The following NUMB variants were observed in gnomAD, a reference collection of about 807,000 sequenced individuals.
NUMB encodes NUMB endocytic adaptor protein.
A neutral mutation model predicts 59.7 loss-of-function variants in NUMB; 29 were observed. The ratio of observed to expected loss-of-function variants is 0.49; its 90% CI spans 0.36 to 0.66. The LOEUF is 0.66. Among genes scored for constraint, NUMB ranks in the 30% least tolerant of loss-of-function variants. The pLI is 0.00. For missense variants in NUMB, 723 were observed against 822.0 expected (o/e 0.88, Z 1.47); for synonymous variants, 288 against 288.2 (o/e 1.00, Z 0.01).
intron 4 of NUMB, among the ~76,000 whole-genome samples, chr14:73,336,630 C>T (rs1329634004): frequency 1.4e-5 from 2 of 146,056 alleles, no homozygotes; most frequent in Non-Finnish European, 3.1e-5. Flanking sequence ...AAAGTATGGC[C>T]TAGGAATGGA....
At chr14:73,339,898 G>C in intron 4 of NUMB, among the ~76,000 whole-genome samples, 1 of 152,088 alleles carries the variant, frequency 6.6e-6, no homozygotes, top group East Asian at 1.9e-4. Flanking sequence ...GCAGGCTCCA[G>C]GAATGTCTAG....
At chr14:73,291,970 C>G (rs896493264) in intron 8 of NUMB, among the ~76,000 whole-genome samples, 1 of 152,208 alleles carries the variant, frequency 6.6e-6, no homozygotes, top group African/African-American at 2.4e-5. Context: ...AGGTGTGAAC[C>G]ACCGTGCCTG....
intron 1 of NUMB, among the ~76,000 whole-genome samples, chr14:73,417,931 C>T (rs773972521): frequency 3.3e-5 from 5 of 152,184 alleles, no homozygotes; most frequent in Non-Finnish European, 7.4e-5. Flanking sequence ...ATGGTGAAAC[C>T]CCATCTCTAC....
rs2140185397 is a variant in NUMB at position 73,440,247 on chromosome 14, A to ATGGATATCCATATATATATG, written c.-233+18245_-233+18246insCATATATATATGGATATCCA. ...TATATATGGATATCCATATATATAT[A>ATGGATATCCATATATATATG]CATCCATATATCTATAGATATCCAT... is the stretch of plus-strand genomic sequence containing the variant. On this transcript the variant is annotated intron_variant, in intron 1 of 12. Transcript: ENST00000555238. Among the ~76,000 whole-genome samples, 2 of 138,858 alleles carry ATGGATATCCATATATATATG rather than the reference A, an allele frequency of 1.4e-5. 1 individual carries two copies. Among genetic ancestry groups the ATGGATATCCATATATATATG allele is most frequent in the South Asian group, 4.6e-4 (2 of 4,358 alleles). 91.1% of individuals were successfully genotyped at this position (138,858 alleles called of 152,430 possible).
chr14:73,441,464 G>A (rs1039335083), intron 1 of NUMB, among the ~76,000 whole-genome samples: 1 of 152,086 alleles, frequency 6.6e-6, no homozygotes, highest in African/African-American at 2.4e-5. Flanking sequence ...TTGAACCCAG[G>A]AGGGAGAGGT....
intron 4 of NUMB, among the ~76,000 whole-genome samples, chr14:73,335,221 T>C (rs1250200154): frequency 1.3e-5 from 2 of 148,730 alleles, no homozygotes; most frequent in East Asian, 2.0e-4. Flanking sequence ...GGTTTCAAAG[T>C]ATTTCCAATG....
chr14:73,349,796 G>A (rs1052525275), intron 4 of NUMB, among the ~76,000 whole-genome samples: 27 of 150,470 alleles, frequency 1.8e-4, no homozygotes, highest in Non-Finnish European at 3.4e-4. Flanking sequence ...GGAGAATCGC[G>A]TGAACCCGGG....
intron 4 of NUMB, among the ~76,000 whole-genome samples, chr14:73,333,877 T>A (rs1462391742): frequency 6.6e-6 from 1 of 152,058 alleles, no homozygotes; most frequent in Non-Finnish European, 1.5e-5. Flanking sequence ...ATCCTTTTTT[T>A]TTTTTGAGAT....
chr14:73,377,270 A>T (rs1374564297), intron 2 of NUMB, among the ~76,000 whole-genome samples: 1 of 152,208 alleles, frequency 6.6e-6, no homozygotes, highest in Non-Finnish European at 1.5e-5. Flanking sequence ...TCTCTACTAA[A>T]GACACAGTCA....
intron 9 of NUMB, 159 bp downstream of exon 9, chr14:73,286,951 T>C (rs746888890): frequency 1.9e-5 from 13 of 688,704 alleles, no homozygotes; most frequent in Non-Finnish European, 3.3e-5. Context: ...CTAGCCACTC[T>C]AAAGGAAGCG....
chr14:73,385,308 C>CTTTTTTTTTT (rs1174960370), intron 2 of NUMB, among the ~76,000 whole-genome samples: 13 of 112,300 alleles, frequency 1.2e-4, no homozygotes, highest in Non-Finnish European at 1.8e-4. Flanking sequence ...CCAGTTAATT[C>CTTTTTTTTTT]TTTTTTTTTT....
intron 11 of NUMB, chr14:73,281,264 G>C (rs1312807215): frequency 6.7e-6 from 1 of 148,362 alleles, no homozygotes; most frequent in Non-Finnish European, 1.5e-5. Flanking sequence ...TTTTTCATCT[G>C]TAACACCTAC....
intron 5 of NUMB, among the ~76,000 whole-genome samples, chr14:73,318,660 G>A (rs1372855058): frequency 6.6e-6 from 1 of 152,154 alleles, no homozygotes; most frequent in Non-Finnish European, 1.5e-5. Flanking sequence ...GTAACAATGG[G>A]CAATAGTGAT....
chr14:73,307,776 A>G (rs1461952075), intron 6 of NUMB, among the ~76,000 whole-genome samples: 1 of 120,874 alleles, frequency 8.3e-6, no homozygotes, highest in Non-Finnish European at 1.6e-5. Context: ...TCTGTTGCCC[A>G]GGCTGGAGCA....
chr14:73,396,838 T>A (rs1194722388), intron 2 of NUMB, among the ~76,000 whole-genome samples: 1 of 152,112 alleles, frequency 6.6e-6, no homozygotes, highest in Non-Finnish European at 1.5e-5. Context: ...AAACCATAGA[T>A]AGCAGCTGGC....
chr14:73,415,225 C>CT (rs2140141353), intron 1 of NUMB, among the ~76,000 whole-genome samples: 1 of 152,284 alleles, frequency 6.6e-6, no homozygotes, highest in East Asian at 1.9e-4. Context: ...GTTTTAACAA[C>CT]TGTGTTAAAA....
At chr14:73,406,097 T>TTTA (rs1555379366) in intron 2 of NUMB, among the ~76,000 whole-genome samples, 13 of 106,094 alleles carry the variant, frequency 1.2e-4, no homozygotes, top group Admixed American at 9.6e-4. Flanking sequence ...TTTTTGTTTT[T>TTTA]TTTTTTTTTT....
In NUMB at chr14:73,350,074, T is replaced by TACACACACACAC. The variant is rs1172254479; in HGVS notation, c.126+5551_126+5552insGTGTGTGTGTGT. On this transcript the variant is annotated intron_variant, in intron 4 of 12. Coordinates refer to ENST00000555238, the MANE Select transcript of NUMB (RefSeq NM_001005743.2). ...ATACATACATATATACATACATACATACATACACACACACACACACACACA... is the reference window on the plus strand; with the variant it reads ...ATACATACATATATACATACATACATACACACACACACACATACACACACACACACACACACA... 7.6e-3 allele frequency among the ~76,000 whole-genome samples: 996 copies of TACACACACACAC among 131,080 alleles called. 13 individuals are homozygous for TACACACACACAC. Among genetic ancestry groups the TACACACACACAC allele is most frequent in the African/African-American group, 0.029 (943 of 32,554 alleles). The allele number at this position is 131,080 out of a possible 152,430, so 86.0% of individuals were successfully genotyped here. A position where few individuals can be genotyped will look rare whatever the true frequency, so the allele number is the denominator to read the frequency against.
chr14:73,440,827 CAAAA>C (rs397713746), intron 1 of NUMB, among the ~76,000 whole-genome samples: 12 of 47,820 alleles, frequency 2.5e-4, no homozygotes, highest in Non-Finnish European at 3.4e-4. Context: ...GACTCCGTCT[CAAAA>C]AAAAAAAAAA....
Sources: allele counts gnomAD v4.1 joint callset (sites outside exome capture counted in the v4.1 genomes callset), GRCh38; gene constraint gnomAD v4.1.1; transcripts MANE v1.5; gene names NCBI Gene and HGNC (gene_info 2026-07-23, HGNC 2026-07-21).